The following FOXP1 variants were observed in gnomAD, a reference collection of about 807,000 sequenced individuals.
FOXP1 encodes the protein forkhead box protein P1.
FOXP1 carries 15 observed loss-of-function variants against 98.2 expected under a neutral mutation model. The ratio of observed to expected loss-of-function variants is 0.15; its 90% CI spans 0.10 to 0.24. FOXP1 has a LOEUF of 0.24. FOXP1 is among the 10% of genes least tolerant of loss of function. The probability of loss-of-function intolerance (pLI) is 1.00; values close to 1 mark genes in which losing one functional copy is unlikely to be tolerated. For missense variants in FOXP1, 633 were observed against 848.5 expected, an observed-to-expected ratio of 0.75 and a Z score of 3.15; for synonymous variants, 371 against 314.5, an observed-to-expected ratio of 1.18 and a Z score of -1.90.
intron 3 of FOXP1, among the ~76,000 whole-genome samples, chr3:71,476,265 A>T (rs980096129): frequency 1.9e-4 from 29 of 151,366 alleles, no homozygotes; most frequent in African/African-American, 6.3e-4. Context: ...AATCTATCTC[A>T]TATTTTCTTT....
chr3:71,187,319 CT>C (rs1168066441), intron 6 of FOXP1, among the ~76,000 whole-genome samples: 1 of 152,196 alleles, frequency 6.6e-6, no homozygotes, highest in Non-Finnish European at 1.5e-5. Context: ...GGGGTGGTGG[CT>C]TACACCTATA....
At chr3:71,156,374 T>C (rs572586771) in intron 6 of FOXP1, among the ~76,000 whole-genome samples, 2 of 152,194 alleles carry the variant, frequency 1.3e-5, no homozygotes, top group African/African-American at 4.8e-5. Flanking sequence ...AAATACAACA[T>C]TGCCAGCCTC....
intron 5 of FOXP1, among the ~76,000 whole-genome samples, chr3:71,213,697 T>A (rs1167147681): frequency 2.0e-5 from 3 of 152,090 alleles, no homozygotes; most frequent in Non-Finnish European, 2.9e-5. Context: ...GTGCCTGTAG[T>A]CCCAGCTACT....
intron 6 of FOXP1, among the ~76,000 whole-genome samples, chr3:71,140,279 C>A (rs1182882693): frequency 1.3e-5 from 2 of 152,146 alleles, no homozygotes; most frequent in African/African-American, 2.4e-5. Flanking sequence ...TGAAGACAAT[C>A]TGATACAAGA....
chr3:71,291,651 T>C (rs1262705421), intron 5 of FOXP1, among the ~76,000 whole-genome samples: 3 of 151,948 alleles, frequency 2.0e-5, no homozygotes, highest in Admixed American at 2.0e-4. Flanking sequence ...ACACATAAAA[T>C]CCTTACCACA....
At chr3:71,511,989 C>T (rs1165400354) in intron 2 of FOXP1, among the ~76,000 whole-genome samples, 1 of 152,134 alleles carries the variant, frequency 6.6e-6, no homozygotes, top group Non-Finnish European at 1.5e-5. Flanking sequence ...ATAATAGCTG[C>T]CATTTAGTCA....
At chr3:71,179,164 A>T (rs1237609984) in intron 6 of FOXP1, among the ~76,000 whole-genome samples, 5 of 120,036 alleles carry the variant, frequency 4.2e-5, no homozygotes, top group African/African-American at 1.8e-4. Flanking sequence ...AGACGGAGTC[A>T]CTTTCTGTCA....
intron 4 of FOXP1, among the ~76,000 whole-genome samples, chr3:71,323,209 TC>T (rs898786462): frequency 3.3e-5 from 5 of 152,098 alleles, no homozygotes; most frequent in African/African-American, 1.2e-4. Context: ...GACCTCATGA[TC>T]CGCCCGCCTC....
At chr3:71,222,483 A>T (rs913835270) in intron 5 of FOXP1, among the ~76,000 whole-genome samples, 1 of 151,946 alleles carries the variant, frequency 6.6e-6, no homozygotes, top group Non-Finnish European at 1.5e-5. Flanking sequence ...CAGTGGCGCG[A>T]TCTCAGCTCA....
intron 5 of FOXP1, among the ~76,000 whole-genome samples, chr3:71,219,648 A>T (rs946681781): frequency 6.6e-6 from 1 of 152,240 alleles, no homozygotes; most frequent in African/African-American, 2.4e-5. Context: ...TCTTTCATAT[A>T]TTTTTAATAC....
intron 2 of FOXP1, among the ~76,000 whole-genome samples, chr3:71,567,376 A>T (rs1215821692): frequency 6.6e-6 from 1 of 152,114 alleles, no homozygotes; most frequent in Non-Finnish European, 1.5e-5. Context: ...CGAAACGCAG[A>T]GACTCCGTCA....
At chr3:70,975,456 T>C (rs1311030847) in intron 17 of FOXP1, among the ~76,000 whole-genome samples, 4 of 152,224 alleles carry the variant, frequency 2.6e-5, no homozygotes, top group Non-Finnish European at 5.9e-5. Context: ...ATTAATTCTA[T>C]GGTTATATTC....
At chr3:71,562,239 A>G (rs2046596761) in intron 2 of FOXP1, among the ~76,000 whole-genome samples, 1 of 152,236 alleles carries the variant, frequency 6.6e-6, no homozygotes, top group Admixed American at 6.5e-5. Context: ...AGTAGTGCCT[A>G]TGATTTATTG....
intron 3 of FOXP1, among the ~76,000 whole-genome samples, chr3:71,369,812 T>A (rs2079172872): frequency 6.6e-6 from 1 of 152,156 alleles, no homozygotes; most frequent in Admixed American, 6.5e-5. Flanking sequence ...AAGAAACAGC[T>A]ACTTTCTCAG....
In FOXP1 at chr3:70,959,316, G is replaced by C; in HGVS notation, c.1965C>G (p.Ala655=). 6.2e-7 allele frequency: 1 copy of C among 1,613,868 alleles called. No individual in the cohort carries two copies. The highest frequency in any genetic ancestry group is 8.5e-7 in the Non-Finnish European group (1 of 1,179,974). The part of the protein sequence containing the change: ...AEGPLSLVTT[A]NHSPDFDHDR... ...CATGGTCAAAATCTGGACTGTGGTTGGCTGTTGTCACTAAGGACAGGGGCC... is the reference window on the plus strand; with the variant it reads ...CATGGTCAAAATCTGGACTGTGGTTCGCTGTTGTCACTAAGGACAGGGGCC... The change falls in exon 21 of 21, where the codon GCC becomes GCG. Residue 655 remains alanine (A), a synonymous_variant. Transcript: ENST00000649528.
intron 3 of FOXP1, among the ~76,000 whole-genome samples, chr3:71,419,356 ATTAGAAG>A (rs1195072028): frequency 6.6e-6 from 1 of 151,950 alleles, no homozygotes; most frequent in African/African-American, 2.4e-5. Flanking sequence ...GAATTTAAGA[ATTAGAAG>A]TTAGTGACAC....
At chr3:70,991,682 G>A (rs2040621912) in intron 13 of FOXP1, among the ~76,000 whole-genome samples, 1 of 152,178 alleles carries the variant, frequency 6.6e-6, no homozygotes, top group Non-Finnish European at 1.5e-5. Flanking sequence ...AGAAGAAAGG[G>A]CCAAGACACT....
intron 12 of FOXP1, 125 bp from the exon 13 acceptor site, chr3:71,001,184 G>A (rs946019541): frequency 1.7e-5 from 12 of 718,500 alleles, no homozygotes; most frequent in Non-Finnish European, 3.0e-5. Context: ...AGTCCAGGGG[G>A]TGGCCTGTCC....
intron 12 of FOXP1, among the ~76,000 whole-genome samples, chr3:71,010,429 A>C (rs2043420069): frequency 6.6e-6 from 1 of 152,198 alleles, no homozygotes; most frequent in Non-Finnish European, 1.5e-5. Flanking sequence ...CAATACTAGC[A>C]TAAACTGTTT....
Sources: gnomAD v4.1 joint callset for allele counts (sites outside exome capture counted in the v4.1 genomes callset) on GRCh38, gnomAD v4.1.1 for gene constraint, MANE v1.5 for transcripts, NCBI Gene and HGNC (gene_info 2026-07-23, HGNC 2026-07-21) for gene names.